The following SHROOM3 variants were observed in gnomAD, a reference collection of about 807,000 sequenced individuals.
The protein encoded by SHROOM3 is protein Shroom3.
Under a neutral mutation model 138.6 loss-of-function variants are expected in SHROOM3, and 47 were observed. The ratio of observed to expected loss-of-function variants is 0.34; its 90% CI spans 0.27 to 0.43. The LOEUF (loss-of-function observed/expected upper bound fraction) is 0.43, where lower values mean the gene tolerates loss of function less well. SHROOM3 is among the 20% of genes least tolerant of loss of function. The pLI, the probability that SHROOM3 is intolerant of heterozygous loss-of-function variation, is 1.00. For synonymous variants in SHROOM3, 1,062 were observed against 1,063.3 expected (o/e 1.00, Z 0.02); for missense variants, 2,491 against 2,596.5 (o/e 0.96, Z 0.88).
chr4:76,650,867 T>C (rs866034184), intron 2 of SHROOM3, among the ~76,000 whole-genome samples: 1 of 152,102 alleles, frequency 6.6e-6, no homozygotes, highest in South Asian at 2.1e-4. Context: ...ATAGCTAAGA[T>C]TTGGAAGCAA....
intron 2 of SHROOM3, among the ~76,000 whole-genome samples, chr4:76,616,339 A>G (rs1294317982): frequency 1.3e-5 from 2 of 152,106 alleles, no homozygotes; most frequent in South Asian, 4.1e-4. Flanking sequence ...TACATAAACA[A>G]TAATCTGATT....
chr4:76,695,783 G>A (rs1719709431), intron 2 of SHROOM3, among the ~76,000 whole-genome samples: 1 of 152,166 alleles, frequency 6.6e-6, no homozygotes, highest in Non-Finnish European at 1.5e-5. Context: ...TGACATCAAA[G>A]CCTCTCCATT....
At chr4:76,481,124 A>C (rs1179257066) in intron 1 of SHROOM3, among the ~76,000 whole-genome samples, 2 of 152,292 alleles carry the variant, frequency 1.3e-5, no homozygotes, top group East Asian at 3.9e-4. Context: ...ACAAGAAATA[A>C]CTAAGATCAT....
intron 1 of SHROOM3, among the ~76,000 whole-genome samples, chr4:76,546,500 G>T (rs890215100): frequency 3.3e-5 from 5 of 152,148 alleles, no homozygotes; most frequent in Admixed American, 6.6e-5. Flanking sequence ...GAAGGATCCT[G>T]GGAGGAACTT....
At chr4:76,577,621 A>G (rs2110041674) in intron 2 of SHROOM3, among the ~76,000 whole-genome samples, 1 of 152,368 alleles carries the variant, frequency 6.6e-6, no homozygotes, top group African/African-American at 2.4e-5. Context: ...AAGAATCTTT[A>G]GAAAAATGCT....
intron 1 of SHROOM3, among the ~76,000 whole-genome samples, chr4:76,463,277 G>C (rs957883467): frequency 3.3e-5 from 5 of 152,346 alleles, no homozygotes; most frequent in African/African-American, 1.2e-4. Flanking sequence ...CTGCTCTAGA[G>C]ATCTGTGGAA....
At chr4:76,451,467 T>C (rs1313617311) in intron 1 of SHROOM3, among the ~76,000 whole-genome samples, 1 of 152,166 alleles carries the variant, frequency 6.6e-6, no homozygotes, top group African/African-American at 2.4e-5. Flanking sequence ...AAACCAGTCA[T>C]TGGTGAAAGA....
At chr4:76,675,191 T>C (rs1264465187) in intron 2 of SHROOM3, among the ~76,000 whole-genome samples, 1 of 151,084 alleles carries the variant, frequency 6.6e-6, no homozygotes, top group South Asian at 2.1e-4. Flanking sequence ...GTGTAGGGAG[T>C]AGGAGGGAAG....
At position 76,555,730 on chromosome 4, in the gene SHROOM3, G is replaced by T. The variant is rs1733470771; in HGVS notation, c.290G>T (p.Gly97Val). 1 of 1,613,746 alleles carries T rather than the reference G, an allele frequency of 6.2e-7. No individual in the cohort carries two copies. Among genetic ancestry groups the T allele is most frequent in the East Asian group, 2.2e-5 (1 of 44,868 alleles). Residue 97 changes from glycine (G) to valine (V), a missense_variant, in exon 2 of 11, where the codon GGA (glycine) becomes GTA (valine). Physicochemically the swap from Gly to Val is moderately radical, Grantham distance 109. This residue lies in a region of SHROOM3 where 284 missense variants were observed against 322.8 expected (regional missense o/e 0.88). Transcript: ENST00000296043. ...AAGGAGGCAGTTTCCCTGGTGAAAG[G>T]ATCCTACAAGACCCTCAGGCTGGTA... ...SRKEAVSLVK[G>V]SYKTLRLVVR...
rs549771153 is a variant in SHROOM3, at chr4:76,462,728, T to C, written c.168+26508T>C. Among the ~76,000 whole-genome samples the C allele has an allele frequency of 9.8e-3, 1,363 of 139,730 alleles. 11 individuals carry two copies. The highest frequency in any genetic ancestry group is 0.033 in the East Asian group (150 of 4,586). The allele number at this position is 139,730 out of a possible 152,430, so 91.7% of individuals were successfully genotyped here. A position where few individuals can be genotyped will look rare whatever the true frequency, so the allele number is the denominator to read the frequency against. ...TCTCCCTCTCCCTCTCCCTCTCCCT[T>C]TCCCTCTCCATCTCCATCTCCCTCT... On this transcript the variant is annotated intron_variant, in intron 1 of 10. Transcript: ENST00000296043.
chr4:76,613,834 C>T (rs1427414229), intron 2 of SHROOM3, among the ~76,000 whole-genome samples: 1 of 152,128 alleles, frequency 6.6e-6, no homozygotes, highest in Non-Finnish European at 1.5e-5. Context: ...AACACAATAT[C>T]ACTTTTGCTC....
intron 1 of SHROOM3, among the ~76,000 whole-genome samples, chr4:76,459,090 C>G (rs1433098080): frequency 1.3e-5 from 2 of 152,128 alleles, no homozygotes; most frequent in Non-Finnish European, 2.9e-5. Flanking sequence ...TCTCTTATTC[C>G]TGCTACCTCC....
At position 76,739,075 on chromosome 4, in the gene SHROOM3, A is replaced by G. The variant is rs1578007139; in HGVS notation, c.902A>G (p.Gln301Arg). The change falls in exon 5 of 11, where the codon CAG (glutamine) becomes CGG (arginine). Residue 301 changes from glutamine (Q) to arginine (R), a missense_variant. Around this residue, in one of 4 missense-constraint regions of SHROOM3, gnomAD observed 1,733 missense variants for 1,661.6 expected, o/e 1.04. Transcript: ENST00000296043. ...ARGGLLEGMRQADIRYVKTVY... is the reference protein window; with the variant it reads ...ARGGLLEGMRRADIRYVKTVY... The stretch of plus-strand genomic sequence containing the variant: ...GGTGGCCTCCTCGAAGGGATGAGGC[A>G]GGCAGATATTCGCTATGTCAAGACA... 6.2e-7 allele frequency: 1 copy of G among 1,614,248 alleles called. No individual in the cohort carries two copies. The highest frequency in any genetic ancestry group is 8.5e-7 in the Non-Finnish European group (1 of 1,180,042).
At chr4:76,726,137 C>G (rs1399087152) in intron 3 of SHROOM3, among the ~76,000 whole-genome samples, 1 of 152,158 alleles carries the variant, frequency 6.6e-6, no homozygotes, top group Non-Finnish European at 1.5e-5. Context: ...CCTCATCACA[C>G]TAACCTCTTT....
intron 2 of SHROOM3, among the ~76,000 whole-genome samples, chr4:76,579,341 G>T (rs1276150450): frequency 6.6e-6 from 1 of 152,012 alleles, no homozygotes; most frequent in African/African-American, 2.4e-5. Flanking sequence ...GGTGGCAGGC[G>T]CCTGTAGTCC....
chr4:76,687,563 C>T (rs1478176567), intron 2 of SHROOM3, among the ~76,000 whole-genome samples: 1 of 152,218 alleles, frequency 6.6e-6, no homozygotes, highest in African/African-American at 2.4e-5. Context: ...GAGACATTAG[C>T]ATAATTTTGT....
chr4:76,441,472 G>A (rs1019296386), intron 1 of SHROOM3, among the ~76,000 whole-genome samples: 1 of 152,076 alleles, frequency 6.6e-6, no homozygotes, highest in African/African-American at 2.4e-5. Context: ...CATCTTTTTC[G>A]TCTCCTTCCA....
chr4:76,779,218 C>A lies in SHROOM3; in HGVS notation c.*41C>A. ...CCAACCAAAAGATCACTGTTTCTCT[C>A]AACACTATTTAATCTGAAAAATGTT... On this transcript the variant is annotated 3_prime_UTR_variant, in exon 11 of 11. Transcript: ENST00000296043. The A allele has an allele frequency of 6.4e-7, 1 of 1,559,790 alleles. No individual in the cohort carries two copies. The highest frequency in any genetic ancestry group is 1.2e-5 in the South Asian group (1 of 81,450).
chr4:76,492,830 C>A (rs1199998529), intron 1 of SHROOM3, among the ~76,000 whole-genome samples: 1 of 151,984 alleles, frequency 6.6e-6, no homozygotes, highest in African/African-American at 2.4e-5. Flanking sequence ...AGAAAACACT[C>A]CTGCAGACAG....
Sources: allele counts gnomAD v4.1 joint callset (sites outside exome capture counted in the v4.1 genomes callset), GRCh38; gene constraint gnomAD v4.1.1; regional missense constraint gnomAD v4.1.1; transcripts MANE v1.5; gene names NCBI Gene and HGNC (gene_info 2026-07-23, HGNC 2026-07-21).